The following AK5 variants were observed in gnomAD, a reference collection of about 807,000 sequenced individuals.
The protein encoded by AK5 is adenylate kinase isoenzyme 5.
Under a neutral mutation model 69.5 loss-of-function variants are expected in AK5, and 27 were observed. That is an observed-to-expected ratio of 0.39 (90% confidence interval 0.29 to 0.54). The LOEUF (loss-of-function observed/expected upper bound fraction) is 0.54. AK5 is among the 20% of genes least tolerant of loss of function. The pLI is 0.71. For synonymous variants in AK5, 260 were observed against 244.4 expected (o/e 1.06, Z -0.60); for missense variants, 531 against 700.4 (o/e 0.76, Z 2.73).
chr1:77,328,505 GAAAA>G lies in AK5; in HGVS notation c.700-11864_700-11861del, dbSNP rs113780480. ...TGTGAGACTCCATCTCAAAAAAAAA[GAAAA>G]AAAAAAACTTCAACTTTTTCCTCTT... On this transcript the variant is annotated intron_variant, in intron 5 of 13. Transcript: ENST00000354567. 3.6e-5 allele frequency among the ~76,000 whole-genome samples: 5 copies of G among 140,494 alleles called. No individual in the cohort carries two copies. In the East Asian group the frequency reaches 1.0e-3, roughly 29 times the overall value. 92.2% of individuals were successfully genotyped at this position (140,494 alleles called of 152,430 possible).
intron 11 of AK5, among the ~76,000 whole-genome samples, chr1:77,519,393 T>C (rs937624938): frequency 6.6e-6 from 1 of 152,142 alleles, no homozygotes; most frequent in Non-Finnish European, 1.5e-5. Flanking sequence ...AAACAGACCA[T>C]TACAGCTGCC....
chr1:77,503,901 A>G (rs950054435), intron 10 of AK5, among the ~76,000 whole-genome samples: 3 of 151,216 alleles, frequency 2.0e-5, no homozygotes, highest in African/African-American at 7.3e-5. Context: ...GACTGTCTCA[A>G]AAAAAAAAGA....
At chr1:77,499,371 G>T (rs1203039809) in intron 10 of AK5, among the ~76,000 whole-genome samples, 1 of 152,114 alleles carries the variant, frequency 6.6e-6, no homozygotes, top group Non-Finnish European at 1.5e-5. Context: ...TCTCATATTT[G>T]TCTGGGGCAC....
chr1:77,508,471 C>G (rs1026802219), intron 10 of AK5, among the ~76,000 whole-genome samples: 1 of 152,194 alleles, frequency 6.6e-6, no homozygotes, highest in African/African-American at 2.4e-5. Context: ...ACCTGGCATA[C>G]CATGTGCTGG....
At chr1:77,311,328 A>AT (rs1659951408) in intron 5 of AK5, among the ~76,000 whole-genome samples, 1 of 152,154 alleles carries the variant, frequency 6.6e-6, no homozygotes, top group Non-Finnish European at 1.5e-5. Flanking sequence ...CTTGAGTTTA[A>AT]TTTCTGAGAT....
chr1:77,404,541 G>A (rs1037828213), intron 6 of AK5, among the ~76,000 whole-genome samples: 1 of 152,114 alleles, frequency 6.6e-6, no homozygotes, highest in Non-Finnish European at 1.5e-5. Context: ...TGCCAATTAA[G>A]TGGCAATTAT....
In AK5 at chr1:77,333,544, T is replaced by TCCC. The variant is rs369283568; in HGVS notation, c.700-6828_700-6826dup. Among the ~76,000 whole-genome samples the TCCC allele has an allele frequency of 2.9e-3, 425 of 144,964 alleles. 1 individual carries two copies. Among genetic ancestry groups the TCCC allele is most frequent in the South Asian group, 0.013 (50 of 3,984 alleles). On this transcript the variant is annotated intron_variant, in intron 5 of 13. Coordinates refer to ENST00000354567, the MANE Select transcript of AK5 (RefSeq NM_174858.3). ...ATTAAGCAATTTTTATTTTTAAATC[T>TCCC]CCCCCCCACCATGCTAGTTGATTGT...
At chr1:77,458,509 G>T (rs1319514584) in intron 8 of AK5, among the ~76,000 whole-genome samples, 1 of 152,210 alleles carries the variant, frequency 6.6e-6, no homozygotes, top group Non-Finnish European at 1.5e-5. Context: ...AAAGGAAAGA[G>T]GTTTAATGGA....
chr1:77,364,080 A>G (rs1230701893), intron 6 of AK5, among the ~76,000 whole-genome samples: 1 of 152,196 alleles, frequency 6.6e-6, no homozygotes, highest in Non-Finnish European at 1.5e-5. Flanking sequence ...AGAGCAAAAA[A>G]AGGAAATAAA....
intron 6 of AK5, among the ~76,000 whole-genome samples, chr1:77,358,077 G>A (rs1662642433): frequency 2.0e-5 from 3 of 151,592 alleles, no homozygotes; most frequent in African/African-American, 7.3e-5. Context: ...ATGGGTGGGT[G>A]CTGCTGAGGG....
chr1:77,464,407 G>A (rs1028818997), intron 8 of AK5, among the ~76,000 whole-genome samples: 6 of 152,196 alleles, frequency 3.9e-5, no homozygotes, highest in Admixed American at 2.0e-4. Flanking sequence ...GTTTCAGTAC[G>A]ATGTGATGTG....
intron 5 of AK5, among the ~76,000 whole-genome samples, chr1:77,309,644 T>A (rs1324248300): frequency 6.6e-6 from 1 of 152,178 alleles, no homozygotes; most frequent in Non-Finnish European, 1.5e-5. Flanking sequence ...ACTTACCTTT[T>A]TATTTTATTT....
Position 77,528,639 on chromosome 1 carries a change from A to G in AK5, c.1428+6696A>G, listed in dbSNP as rs3767034. 2.0e-3 allele frequency among the ~76,000 whole-genome samples: 305 copies of G among 152,264 alleles called. 8 individuals are homozygous for G. In the East Asian group the frequency reaches 0.046, roughly 23 times the overall value. Reference sequence around the variant, plus strand: ...TTATCCCTGTTGAATTACAACCTATACCTTCAGTTTACAGAATGATTACTG... The same window carrying G: ...TTATCCCTGTTGAATTACAACCTATGCCTTCAGTTTACAGAATGATTACTG... On this transcript the variant is annotated intron_variant, in intron 12 of 13. Coordinates refer to ENST00000354567, the MANE Select transcript of AK5 (RefSeq NM_174858.3).
Position 77,483,434 on chromosome 1 carries a change from A to G in AK5, c.1102+75A>G, listed in dbSNP as rs1374283490. On this transcript the variant is annotated intron_variant, in intron 9 of 13. Coordinates refer to ENST00000354567, the MANE Select transcript of AK5 (RefSeq NM_174858.3). ...ACCATGCCTTTTTAATTAAACATCAACTTGAGAGAAAAAATATTAACAGCA... is the reference window on the plus strand; with the variant it reads ...ACCATGCCTTTTTAATTAAACATCAGCTTGAGAGAAAAAATATTAACAGCA... 5.1e-6 allele frequency: 6 copies of G among 1,169,142 alleles called. No homozygotes were observed. In the South Asian group the frequency reaches 6.2e-5, roughly 12 times the overall value. 72.4% of individuals were successfully genotyped at this position (1,169,142 alleles called of 1,614,324 possible). A position where few individuals can be genotyped will look rare whatever the true frequency, so the allele number is the denominator to read the frequency against.
Position 77,282,108 on chromosome 1 carries a change from G to T in AK5, c.-206G>T. 2.4e-6 allele frequency: 1 copy of T among 423,166 alleles called. No homozygotes were observed. Among genetic ancestry groups the T allele is most frequent in the Admixed American group, 4.5e-5 (1 of 22,120 alleles). 26.2% of individuals were successfully genotyped at this position (423,166 alleles called of 1,614,324 possible). On this transcript the variant is annotated 5_prime_UTR_variant, in exon 1 of 14. Transcript: ENST00000354567. Reference sequence around the variant, plus strand: ...CTCGGGGGCTGGAACCGAAGCGGGGGCGGCGGGAGCGCGGAGACCACAGCC... The same window carrying T: ...CTCGGGGGCTGGAACCGAAGCGGGGTCGGCGGGAGCGCGGAGACCACAGCC...
rs1379000444 is a variant in AK5 at position 77,284,518 on chromosome 1, A to G, written c.60+2145A>G. 2.6e-5 allele frequency among the ~76,000 whole-genome samples: 4 copies of G among 152,356 alleles called. No individual in the cohort carries two copies. In the East Asian group the frequency reaches 7.7e-4, roughly 29 times the overall value. ...CCTAATTTGAGACATCATGTAAGCT[A>G]AATGGAATATGGGATATCTCTGGTA... On this transcript the variant is annotated intron_variant, in intron 1 of 13. Transcript: ENST00000354567.
intron 6 of AK5, among the ~76,000 whole-genome samples, chr1:77,373,220 A>C (rs1442177180): frequency 1.3e-5 from 2 of 152,200 alleles, no homozygotes; most frequent in Non-Finnish European, 2.9e-5. Context: ...TTTAAAAAAA[A>C]ATATTTTACA....
chr1:77,351,371 G>A (rs1289526360), intron 6 of AK5, among the ~76,000 whole-genome samples: 3 of 152,100 alleles, frequency 2.0e-5, no homozygotes, highest in East Asian at 3.9e-4. Context: ...CTCCAGCCTG[G>A]GCAACAGAGC....
chr1:77,425,468 T>A (rs1651138927), intron 8 of AK5, among the ~76,000 whole-genome samples: 1 of 152,094 alleles, frequency 6.6e-6, no homozygotes, highest in Non-Finnish European at 1.5e-5. Context: ...ACGCCTGTAG[T>A]CCCAGCTACT....
Sources: gnomAD v4.1 joint callset for allele counts (sites outside exome capture counted in the v4.1 genomes callset) on GRCh38, gnomAD v4.1.1 for gene constraint, MANE v1.5 for transcripts, NCBI Gene and HGNC (gene_info 2026-07-23, HGNC 2026-07-21) for gene names.